The following FRMD8 variants were observed in gnomAD, a reference collection of about 807,000 sequenced individuals.
The protein encoded by FRMD8 is FERM domain-containing protein 8.
FRMD8 carries 37 observed loss-of-function variants against 54.2 expected under a neutral mutation model. The ratio of observed to expected loss-of-function variants is 0.68; its 90% CI spans 0.53 to 0.90. The LOEUF (loss-of-function observed/expected upper bound fraction) is 0.90, where lower values mean the gene tolerates loss of function less well. Among genes scored for constraint, FRMD8 ranks in the 40% least tolerant of loss-of-function variants. FRMD8 has a pLI of 0.00. For synonymous variants in FRMD8, 246 were observed against 286.9 expected, an observed-to-expected ratio of 0.86 and a Z score of 1.44; for missense variants, 585 against 653.7, an observed-to-expected ratio of 0.89 and a Z score of 1.15.
chr11:65,377,143 C>T, the FRMD8 span: 1 of 1,539,966 alleles, frequency 6.5e-7, no homozygotes, highest in Non-Finnish European at 8.7e-7. Flanking sequence ...CTTATATTCA[C>T]AAGAGGAAGG....
At chr11:65,393,434 G>T in intron 3 of FRMD8, 139 bp from the exon 4 acceptor site, 1 of 636,914 alleles carries the variant, frequency 1.6e-6, no homozygotes, top group Non-Finnish European at 2.8e-6. Flanking sequence ...TTATTGCAGA[G>T]TAAATGGCTC....
At chr11:65,379,433 G>A in the FRMD8 span, 8 of 1,613,262 alleles carry the variant, frequency 5.0e-6, no homozygotes, top group East Asian at 8.9e-5. Context: ...TGGGCGGCTG[G>A]GCCCGCCGCT....
chr11:65,393,545 A>G (rs1027829564), intron 3 of FRMD8, 28 bp from the exon 4 acceptor site: 7 of 1,577,546 alleles, frequency 4.4e-6, no homozygotes, highest in South Asian at 4.4e-5. Context: ...CGGAGGCTGC[A>G]TGGGCCACTC....
the FRMD8 span, chr11:65,378,285 A>G: frequency 2.0e-5 from 3 of 152,230 alleles, no homozygotes; most frequent in Non-Finnish European, 2.9e-5. Flanking sequence ...TGTGCCCGTC[A>G]GAGGCTGTCA....
intron 7 of FRMD8, among the ~76,000 whole-genome samples, chr11:65,397,804 T>C (rs1423033364): frequency 6.6e-6 from 1 of 151,664 alleles, no homozygotes; most frequent in Non-Finnish European, 1.5e-5. Flanking sequence ...CTCGACCTCC[T>C]GGGCTCAAGC....
At chr11:65,390,637 G>A (rs1484357008) in intron 3 of FRMD8, among the ~76,000 whole-genome samples, 1 of 151,942 alleles carries the variant, frequency 6.6e-6, no homozygotes, top group Non-Finnish European at 1.5e-5. Context: ...TGCTGCCCCG[G>A]CTCCTCGGCC....
chr11:65,389,309 C>G, intron 2 of FRMD8, 52 bp from the exon 3 acceptor site: 1 of 1,590,770 alleles, frequency 6.3e-7, no homozygotes, highest in South Asian at 1.1e-5. Context: ...TTGGCCTGGC[C>G]TGGCTGTGCC....
chr11:65,404,924 G>C lies in FRMD8; in HGVS notation c.1132G>C (p.Ala378Pro). The part of the protein sequence containing the change: ...CIELSQAAEP[A>P]GPQDSATGSP... ...CGAACTGAGCCAGGCGGCGGAGCCC[G>C]CAGGCCCCCAGGACAGTGCGACTGG... is the stretch of plus-strand genomic sequence containing the variant. Residue 378 changes from alanine to proline, a missense_variant, in exon 10 of 11, where the codon GCA (alanine) becomes CCA (proline). Ala to Pro is a conservative substitution (Grantham distance 27, BLOSUM62 -1). Transcript: ENST00000317568. The surrounding 1 kb of genome is among the most constrained non-coding windows in gnomAD (Gnocchi z 4.7). 1 of 1,613,276 alleles carries C rather than the reference G, an allele frequency of 6.2e-7. No homozygotes were observed. Among genetic ancestry groups the C allele is most frequent in the East Asian group, 2.2e-5 (1 of 44,884 alleles).
chr11:65,379,995 C>T, the FRMD8 span: 12 of 1,605,040 alleles, frequency 7.5e-6, no homozygotes, highest in Non-Finnish European at 1.0e-5. Flanking sequence ...GCCAACCTTT[C>T]CCTCTGCCCC....
chr11:65,369,574 C>A, the FRMD8 span, among the ~76,000 whole-genome samples: 1 of 150,182 alleles, frequency 6.7e-6, no homozygotes, highest in Non-Finnish European at 1.5e-5. Flanking sequence ...ACTAAAAATA[C>A]AAAAAATTAG....
At chr11:65,385,387 G>C (rs1855713527), upstream of FRMD8, among the ~76,000 whole-genome samples, 1 of 152,010 alleles carries the variant, frequency 6.6e-6, no homozygotes, top group Non-Finnish European at 1.5e-5. Context: ...GGCAGAGCTG[G>C]TTCACATACC....
At chr11:65,406,405 A>T (rs1856198102) in intron 10 of FRMD8, among the ~76,000 whole-genome samples, 1 of 151,908 alleles carries the variant, frequency 6.6e-6, no homozygotes, top group Non-Finnish European at 1.5e-5. Context: ...CGTGTTAGCC[A>T]GGATGGTCTC....
Position 65,400,945 on chromosome 11 carries a change from G to C in FRMD8, c.1071+78G>C. Reference sequence around the variant, plus strand: ...GGGTCCCAGACAATTAGAGGCACCAGGCTGGCGGGCAAGGAGGTGAGAAGC... The same window carrying C: ...GGGTCCCAGACAATTAGAGGCACCACGCTGGCGGGCAAGGAGGTGAGAAGC... On this transcript the variant is annotated intron_variant, in intron 9 of 10. Coordinates refer to ENST00000317568, the MANE Select transcript of FRMD8 (RefSeq NM_031904.5). The surrounding 1 kb of genome is among the most constrained non-coding windows in gnomAD (Gnocchi z 4.3). The C allele has an allele frequency of 6.8e-7, 1 of 1,467,258 alleles. No individual in the cohort carries two copies. Among genetic ancestry groups the C allele is most frequent in the Middle Eastern group, 1.8e-4 (1 of 5,496 alleles). 90.9% of individuals were successfully genotyped at this position (1,467,258 alleles called of 1,614,324 possible). A position where few individuals can be genotyped will look rare whatever the true frequency, so the allele number is the denominator to read the frequency against.
rs1261383352 is a variant in FRMD8 at position 65,404,371 on chromosome 11, G to A, written c.1072-493G>A. On this transcript the variant is annotated intron_variant, in intron 9 of 10. Coordinates refer to ENST00000317568, the MANE Select transcript of FRMD8 (RefSeq NM_031904.5). This position sits in a 1 kb window ranked among gnomAD's most constrained non-coding sequence, Gnocchi z 4.7. ...CCCGGCTGCTGCATCTTTTCTGTCA[G>A]TGTGCCTCATGCTTCACACCTGTTG... Among the ~76,000 whole-genome samples, 4 of 152,138 alleles carry A rather than the reference G, an allele frequency of 2.6e-5. No individual in the cohort carries two copies. The East Asian group carries it at 7.7e-4, about 29-fold the overall frequency.
At chr11:65,369,773 C>G in the FRMD8 span, among the ~76,000 whole-genome samples, 1 of 151,408 alleles carries the variant, frequency 6.6e-6, no homozygotes, top group Non-Finnish European at 1.5e-5. Context: ...TGGCTCATGC[C>G]TGTAATCCCA....
At chr11:65,410,449 C>T (rs989078127) in intron 10 of FRMD8, among the ~76,000 whole-genome samples, 5 of 150,506 alleles carry the variant, frequency 3.3e-5, no homozygotes, top group African/African-American at 4.9e-5. Context: ...GAGCCAAGAT[C>T]GTGCCATTGC....
Position 65,387,082 on chromosome 11 carries a change from C to G in FRMD8, c.46C>G (p.Arg16Gly), listed in dbSNP as rs767050401. The G allele has an allele frequency of 6.2e-7, 1 of 1,608,262 alleles. No individual in the cohort carries two copies. The highest frequency in any genetic ancestry group is 2.2e-5 in the East Asian group (1 of 44,870). The change falls in exon 2 of 11, where the codon CGA becomes GGA. Residue 16 changes from arginine (R) to glycine (G), a missense_variant. Physicochemically the swap from Arg to Gly is moderately radical, Grantham distance 125. Transcript: ENST00000317568. ...GSAGQPGPAE[R>G]SHRSSVSSVG... Reference sequence around the variant, plus strand: ...TGCCGGGCAGCCCGGCCCCGCTGAGCGATCCCACCGAAGCAGCGTGTCCTC... The same window carrying G: ...TGCCGGGCAGCCCGGCCCCGCTGAGGGATCCCACCGAAGCAGCGTGTCCTC...
chr11:65,387,369 A>G, intron 2 of FRMD8: 1 of 624,396 alleles, frequency 1.6e-6, no homozygotes, highest in Non-Finnish European at 2.9e-6. Context: ...AAATGAGATT[A>G]TATGAATGAA....
At chr11:65,390,829 C>T (rs561982252) in intron 3 of FRMD8, among the ~76,000 whole-genome samples, 4 of 152,400 alleles carry the variant, frequency 2.6e-5, no homozygotes, top group Admixed American at 6.5e-5. Context: ...CCTCCGTCTC[C>T]ACTCCCTCCT....
Sources: allele counts gnomAD v4.1 joint callset (sites outside exome capture counted in the v4.1 genomes callset), GRCh38; gene constraint gnomAD v4.1.1; non-coding constraint Gnocchi (gnomAD v3.1); transcripts MANE v1.5; gene names NCBI Gene and HGNC (gene_info 2026-07-23, HGNC 2026-07-21).